Variants in MXRA5 observed in about 807,000 individuals in gnomAD.
MXRA5 encodes the protein matrix remodeling associated 5.
MXRA5 carries 41 observed loss-of-function variants against 112.5 expected under a neutral mutation model. That is an observed-to-expected ratio of 0.36 (90% CI 0.28 to 0.47). The LOEUF is 0.47. MXRA5 is among the 20% of genes least tolerant of loss of function. MXRA5 has a pLI of 0.99. For missense variants in MXRA5, 2,150 were observed against 2,251.0 expected, an observed-to-expected ratio of 0.96 and a Z score of 0.91; for synonymous variants, 862 against 900.8, an observed-to-expected ratio of 0.96 and a Z score of 0.77.
chrX:3,343,594 T>C, intron 2 of MXRA5, 52 bp downstream of exon 2: 1 of 1,123,020 alleles, frequency 8.9e-7, no homozygotes, highest in Non-Finnish European at 1.2e-6. Flanking sequence ...CAAAACCAGA[T>C]CAAGACGCAC....
In MXRA5 at chrX:3,317,711, C is replaced by T; in HGVS notation, c.5970G>A (p.Arg1990=). 6.6e-6 allele frequency: 8 copies of T among 1,204,321 alleles called. No individual in the cohort carries two copies. The highest frequency in any genetic ancestry group is 9.0e-6 in the Non-Finnish European group (8 of 890,986). ...CCACGGGGGACACAGTTTGCCACACCCTCCTGTCAGGGAAGATCCAGGAAA... is the reference window on the plus strand; with the variant it reads ...CCACGGGGGACACAGTTTGCCACACTCTCCTGTCAGGGAAGATCCAGGAAA... ...PQISWIFPDR[R]VWQTVSPVEG... is the part of the protein sequence containing the mutation. The change falls in exon 6 of 7, where the codon AGG becomes AGA. Residue 1990 remains arginine (R), a synonymous_variant. Coordinates refer to ENST00000217939, the MANE Select transcript of MXRA5 (RefSeq NM_015419.4).
chrX:3,332,322 G>A (rs1398716789), intron 2 of MXRA5, among the ~76,000 whole-genome samples: 1 of 110,117 alleles, frequency 9.1e-6, no homozygotes. Flanking sequence ...TCGGCTCACT[G>A]TAAGCTCCGC....
Position 3,324,589 on chromosome X carries a change from C to T in MXRA5, c.1096G>A (p.Glu366Lys). The T allele has an allele frequency of 8.3e-7, 1 of 1,211,344 alleles. No individual in the cohort carries two copies. The highest frequency in any genetic ancestry group is 2.2e-5 in the Admixed American group (1 of 45,985). Residue 366 changes from glutamate (E) to lysine (K), a missense_variant, in exon 5 of 7, where the codon GAG becomes AAG. Glu to Lys is a moderately conservative substitution (Grantham distance 56). Coordinates refer to ENST00000217939, the MANE Select transcript of MXRA5 (RefSeq NM_015419.4). Reference sequence around the variant, plus strand: ...TAGTTTTCTCGGGTCATTGGACACTCAAAGTCCAAGGCAACTGTTGCATTT... The same window carrying T: ...TAGTTTTCTCGGGTCATTGGACACTTAAAGTCCAAGGCAACTGTTGCATTT... ...DINATVALDFECPMTRENYEK... is the reference protein window; with the variant it reads ...DINATVALDFKCPMTRENYEK...
rs1414349432 is a variant in MXRA5, at chrX:3,310,350, G to T, written c.7853C>A (p.Ala2618Asp). The T allele has an allele frequency of 3.3e-6, 4 of 1,203,525 alleles. No homozygotes were observed. The highest frequency in any genetic ancestry group is 4.5e-6 in the Non-Finnish European group (4 of 889,472). ...CTCCGTGTGGCCAGCGGCATTGCGG[G>T]CCACGCAGCGGTAGGCCCCGGCGTC... ...SVDAGAYRCV[A>D]RNAAGHTERL... Residue 2618 changes from alanine to aspartate, a missense_variant, in exon 7 of 7, where the codon GCC (alanine) becomes GAC (aspartate). This residue lies in a region of MXRA5 where 178 missense variants were observed against 198.2 expected (regional missense o/e 0.90). Transcript: ENST00000217939.
In MXRA5 at chrX:3,330,090, A is replaced by G. The variant is rs1287601711; in HGVS notation, c.637T>C (p.Tyr213His). The change falls in exon 4 of 7, where the codon TAC becomes CAC. Residue 213 changes from tyrosine to histidine, a missense_variant. By Grantham distance (83) the Tyr-to-His change is moderately conservative. Transcript: ENST00000217939. ...CAGGTCCACGGATTTCCCTGCAAGT[A>G]AAGATTCTCCAGAAGCGGCATGTTC... ...LRNMPLLENL[Y>H]LQGNPWTCDC... is the part of the protein sequence containing the mutation. 2 of 1,211,037 alleles carry G rather than the reference A, an allele frequency of 1.7e-6. No homozygotes were observed. The highest frequency in any genetic ancestry group is 1.8e-5 in the South Asian group (1 of 56,609).
chrX:3,312,895 C>T (rs1921009133), intron 6 of MXRA5, among the ~76,000 whole-genome samples: 1 of 111,733 alleles, frequency 8.9e-6, no homozygotes, highest in Admixed American at 9.4e-5. Context: ...AATGGCATGT[C>T]TAAGACACTG....
At chrX:3,334,817 A>G (rs1388179941) in intron 2 of MXRA5, among the ~76,000 whole-genome samples, 1 of 111,935 alleles carries the variant, frequency 8.9e-6, no homozygotes, top group Non-Finnish European at 1.9e-5. Context: ...GTAGAAATCT[A>G]CCTGATACAT....
Position 3,310,863 on chromosome X carries a change from T to A in MXRA5, c.7340A>T (p.Asn2447Ile). The A allele has an allele frequency of 8.3e-7, 1 of 1,210,548 alleles. No individual in the cohort carries two copies. Among genetic ancestry groups the A allele is most frequent in the Non-Finnish European group, 1.1e-6 (1 of 895,134 alleles). Residue 2447 changes from asparagine to isoleucine, a missense_variant, in exon 7 of 7, where the codon AAC becomes ATC. Asn to Ile is a moderately radical substitution (Grantham distance 149). Coordinates refer to ENST00000217939, the MANE Select transcript of MXRA5 (RefSeq NM_015419.4). Reference sequence around the variant, plus strand: ...TATCTCCCGCACAGTGGTGATGGGGTTGGGGTTACCGTTGATCTTGGGTGG... The same window carrying A: ...TATCTCCCGCACAGTGGTGATGGGGATGGGGTTACCGTTGATCTTGGGTGG... The part of the protein sequence containing the change: ...VQPPKINGNP[N>I]PITTVREIAA...
Position 3,346,581 on chromosome X carries a change from G to C in MXRA5, c.-95C>G. On this transcript the variant is annotated 5_prime_UTR_variant, in exon 1 of 7. Coordinates refer to ENST00000217939, the MANE Select transcript of MXRA5 (RefSeq NM_015419.4). ...GAGCATCCACCGAGCCGGGGCGCGC[G>C]AGTCACGGCCGGGAGTTTGCCGGGG... 1.3e-6 allele frequency: 1 copy of C among 754,422 alleles called. No individual in the cohort carries two copies. Among genetic ancestry groups the C allele is most frequent in the Non-Finnish European group, 1.6e-6 (1 of 639,006 alleles). The allele number at this position is 754,422 out of a possible 1,213,427, so 62.2% of individuals were successfully genotyped here. A position where few individuals can be genotyped will look rare whatever the true frequency, so the allele number is the denominator to read the frequency against.
rs1286255013 is a variant in MXRA5 at position 3,326,667 on chromosome X, T to C, written c.710-1692A>G. ...AGTTCACGTTGTCCTCTTGGTCTCC[T>C]GGATATGAAATCCTCTGGAATTTTC... On this transcript the variant is annotated intron_variant, in intron 4 of 6. Coordinates refer to ENST00000217939, the MANE Select transcript of MXRA5 (RefSeq NM_015419.4). 2.7e-5 allele frequency among the ~76,000 whole-genome samples: 3 copies of C among 110,245 alleles called. No individual in the cohort carries two copies. The South Asian group carries it at 1.2e-3, about 43-fold the overall frequency.
Position 3,323,376 on chromosome X carries a change from C to T in MXRA5, c.2309G>A (p.Arg770Lys). 1 of 1,211,763 alleles carries T rather than the reference C, an allele frequency of 8.3e-7. No homozygotes were observed. Residue 770 changes from arginine to lysine, a missense_variant, in exon 5 of 7, where the codon AGG becomes AAG. Transcript: ENST00000217939. ...AATCTGTTTGTTTGCCATGTTTATC[C>T]TTCGTCTAGATTCAAACACTCTGCG... ...EGRRVFESRR[R>K]INMANKQINP...
intron 1 of MXRA5, among the ~76,000 whole-genome samples, chrX:3,345,466 C>T (rs1922085389): frequency 8.8e-6 from 1 of 113,067 alleles, no homozygotes; most frequent in African/African-American, 3.2e-5. Flanking sequence ...CCGCGCCAGT[C>T]CCCAGCGTCC....
At chrX:3,315,906 T>A (rs1455538714) in intron 6 of MXRA5, among the ~76,000 whole-genome samples, 1 of 110,127 alleles carries the variant, frequency 9.1e-6, no homozygotes, top group Non-Finnish European at 1.9e-5. Context: ...AACATTATAG[T>A]TAAACATATA....
chrX:3,346,298 T>C (rs1464286631), intron 1 of MXRA5, among the ~76,000 whole-genome samples: 1 of 112,189 alleles, frequency 8.9e-6, no homozygotes, highest in Admixed American at 9.4e-5. Context: ...TCCTTCAAGA[T>C]CCGGCTCTCC....
intron 6 of MXRA5, among the ~76,000 whole-genome samples, chrX:3,312,508 A>G: frequency 9.0e-6 from 1 of 110,931 alleles, no homozygotes; most frequent in Middle Eastern, 4.7e-3. Context: ...TGAATTCTCA[A>G]TTACACATAC....
At position 3,320,929 on chromosome X, in the gene MXRA5, G is replaced by A; in HGVS notation, c.4756C>T (p.Leu1586=). ...LEKQVFGSRS[L]PRGPDSQRQD... The stretch of plus-strand genomic sequence containing the variant: ...CGTTGGCTATCTGGGCCACGTGGTA[G>A]ACTCCTACTACCAAATACTTGCTTT... The change falls in exon 5 of 7, where the codon CTA becomes TTA. Residue 1586 remains leucine, a synonymous_variant. Transcript: ENST00000217939. The A allele has an allele frequency of 8.3e-7, 1 of 1,211,754 alleles. No homozygotes were observed. The highest frequency in any genetic ancestry group is 1.7e-5 in the African/African-American group (1 of 57,756).
Position 3,309,707 on chromosome X carries a change from A to T in MXRA5, c.*9T>A. On this transcript the variant is annotated 3_prime_UTR_variant, in exon 7 of 7. Coordinates refer to ENST00000217939, the MANE Select transcript of MXRA5 (RefSeq NM_015419.4). Reference sequence around the variant, plus strand: ...TCAGTTCCTAAGCAATCATTCTGGAATCCACATTTCAGAAGACGTGGATGT... The same window carrying T: ...TCAGTTCCTAAGCAATCATTCTGGATTCCACATTTCAGAAGACGTGGATGT... The T allele has an allele frequency of 8.3e-7, 1 of 1,200,981 alleles. No individual in the cohort carries two copies. The highest frequency in any genetic ancestry group is 1.1e-6 in the Non-Finnish European group (1 of 887,814).
At chrX:3,342,128 C>T (rs374598181) in intron 2 of MXRA5, among the ~76,000 whole-genome samples, 1 of 110,592 alleles carries the variant, frequency 9.0e-6, no homozygotes, top group African/African-American at 3.3e-5. Flanking sequence ...CCTCAGCGAA[C>T]TAACAAGGGA....
In MXRA5 at chrX:3,310,976, C is replaced by T; in HGVS notation, c.7227G>A (p.Gln2409=). ...AGGTGTAGTTGCCGCTGTCAGAACG[C>T]TGGGCTTTCTGAATAAGGAGAGTGC... ...QDGTLLIQKA[Q]RSDSGNYTCL... Residue 2409 remains glutamine (Q), a synonymous_variant, in exon 7 of 7, where the codon CAG becomes CAA. Coordinates refer to ENST00000217939, the MANE Select transcript of MXRA5 (RefSeq NM_015419.4). 1 of 1,211,534 alleles carries T rather than the reference C, an allele frequency of 8.3e-7. No homozygotes were observed. The highest frequency in any genetic ancestry group is 1.1e-6 in the Non-Finnish European group (1 of 895,525).
Sources: gnomAD v4.1 joint callset for allele counts (sites outside exome capture counted in the v4.1 genomes callset) on GRCh38, gnomAD v4.1.1 for gene constraint, gnomAD v4.1.1 regional missense constraint, MANE v1.5 for transcripts, NCBI Gene and HGNC (gene_info 2026-07-23, HGNC 2026-07-21) for gene names.